Variants in CELF3 observed in about 807,000 individuals in gnomAD.
CELF3 encodes the protein CAG repeat domain.
Under a neutral mutation model 59.6 loss-of-function variants are expected in CELF3, and 26 were observed. That is an observed-to-expected ratio of 0.44 (90% confidence interval 0.32 to 0.61). The LOEUF is 0.61. Ranked by LOEUF, CELF3 falls within the 20% of genes least tolerant of loss-of-function variation. The pLI is 0.06. For missense variants in CELF3, 387 were observed against 627.2 expected (o/e 0.62, Z 4.09); for synonymous variants, 245 against 250.7 (o/e 0.98, Z 0.22).
intron 9 of CELF3, 95 bp downstream of exon 9, chr1:151,706,574 G>A: frequency 7.3e-7 from 1 of 1,362,016 alleles, no homozygotes; most frequent in Non-Finnish European, 1.0e-6. Flanking sequence ...GAGGGTGATT[G>A]GCAGGGAGCC....
intron 2 of CELF3, chr1:151,710,314 G>A (rs1052541496): frequency 1.1e-5 from 3 of 264,926 alleles, no homozygotes; most frequent in African/African-American, 2.2e-5. Context: ...GAAGGCACTC[G>A]GGCAGCACAA....
At position 151,709,126 on chromosome 1, in the gene CELF3, G is replaced by A. The variant is rs551541281; in HGVS notation, c.407-49C>T. 39 of 1,607,204 alleles carry A rather than the reference G, an allele frequency of 2.4e-5. No homozygotes were observed. In the Middle Eastern group the frequency reaches 5.0e-4, roughly 20 times the overall value. On this transcript the variant is annotated intron_variant, in intron 4 of 12. Transcript: ENST00000290583. This position sits in a 1 kb window ranked among gnomAD's most constrained non-coding sequence, Gnocchi z 4.9. ...GAGAGGGGTAAGCACCCATCCCTGC[G>A]GGACCCCGCGGTGGAACCCGATGCC...
At position 151,716,627 on chromosome 1, in the gene CELF3, G is replaced by T. The variant is rs995875329; in HGVS notation, c.-607C>A. On this transcript the variant is annotated 5_prime_UTR_variant, in exon 1 of 13. Transcript: ENST00000290583. ...TCTCTGATGGCGGCAGGGCTCCAGG[G>T]GTCCCTTTTGCCCTGCCGCCCCCCT... 5.4e-6 allele frequency: 2 copies of T among 368,304 alleles called. No individual in the cohort carries two copies. The highest frequency in any genetic ancestry group is 1.1e-5 in the Non-Finnish European group (2 of 179,138). 22.8% of individuals were successfully genotyped at this position (368,304 alleles called of 1,614,324 possible). A position where few individuals can be genotyped will look rare whatever the true frequency, so the allele number is the denominator to read the frequency against.
rs1043648399 is a variant in CELF3 at position 151,700,622 on chromosome 1, TAGAC to T, written c.*2833_*2836del. On this transcript the variant is annotated 3_prime_UTR_variant, in exon 13 of 13. Coordinates refer to ENST00000290583, the MANE Select transcript of CELF3 (RefSeq NM_007185.7). ...TTAGAAAGATTGATGCTTCAGAACA[TAGAC>T]AGAAGGACCAATTAGGAAATTGCTA... Among the ~76,000 whole-genome samples the T allele has an allele frequency of 4.6e-5, 7 of 151,754 alleles. No individual in the cohort carries two copies. The highest frequency in any genetic ancestry group is 9.7e-5 in the African/African-American group (4 of 41,362).
intron 2 of CELF3, among the ~76,000 whole-genome samples, chr1:151,713,234 AC>A (rs1359319273): frequency 6.6e-6 from 1 of 151,942 alleles, no homozygotes; most frequent in South Asian, 2.1e-4. Flanking sequence ...CTTCTTCCTC[AC>A]CCCCACCCTG....
chr1:151,712,547 G>C (rs895696874), intron 2 of CELF3, among the ~76,000 whole-genome samples: 1 of 152,186 alleles, frequency 6.6e-6, no homozygotes, highest in African/African-American at 2.4e-5. Flanking sequence ...GAAGGGGGAA[G>C]AGCTGGACAG....
At position 151,716,412 on chromosome 1, in the gene CELF3, G is replaced by T; in HGVS notation, c.-392C>A. 1 of 267,710 alleles carries T rather than the reference G, an allele frequency of 3.7e-6. No homozygotes were observed. Among genetic ancestry groups the T allele is most frequent in the Non-Finnish European group, 7.4e-6 (1 of 135,640 alleles). 16.6% of individuals were successfully genotyped at this position (267,710 alleles called of 1,614,324 possible). A position where few individuals can be genotyped will look rare whatever the true frequency, so the allele number is the denominator to read the frequency against. ...GAGATGAGAGCTGGAGGCGGGGAAAGGGCCTGAGGAGGGTGATGGGGAGGA... is the reference window on the plus strand; with the variant it reads ...GAGATGAGAGCTGGAGGCGGGGAAATGGCCTGAGGAGGGTGATGGGGAGGA... On this transcript the variant is annotated 5_prime_UTR_variant, in exon 1 of 13. Transcript: ENST00000290583.
At chr1:151,704,450 A>G (rs919290295) in intron 12 of CELF3, among the ~76,000 whole-genome samples, 2 of 152,152 alleles carry the variant, frequency 1.3e-5, no homozygotes, top group Non-Finnish European at 2.9e-5. Flanking sequence ...AAACCAGAGC[A>G]ACTCCCAAGA....
chr1:151,709,638 GA>G lies in CELF3; in HGVS notation c.277+104del. Reference sequence around the variant, plus strand: ...TCTCACCGCAGCTGGGAACTCTTCAGAATCATCAGGCTTTCTCCCTCAAGAA... The same window carrying G: ...TCTCACCGCAGCTGGGAACTCTTCAGATCATCAGGCTTTCTCCCTCAAGAA... On this transcript the variant is annotated intron_variant, in intron 3 of 12. Coordinates refer to ENST00000290583, the MANE Select transcript of CELF3 (RefSeq NM_007185.7). The surrounding 1 kb of genome is among the most constrained non-coding windows in gnomAD (Gnocchi z 4.9). 1 of 1,223,386 alleles carries G rather than the reference GA, an allele frequency of 8.2e-7. No individual in the cohort carries two copies. Among genetic ancestry groups the G allele is most frequent in the South Asian group, 1.2e-5 (1 of 82,676 alleles). 75.8% of individuals were successfully genotyped at this position (1,223,386 alleles called of 1,614,324 possible). A position where few individuals can be genotyped will look rare whatever the true frequency, so the allele number is the denominator to read the frequency against.
rs1469872906 is a variant in CELF3, at chr1:151,706,723, C to T, written c.934G>A (p.Ala312Thr). ...TGCTGCAGGGGGTCCACGGGGGCCG[C>T]GGGGCTCTGGGCTGGGGAGAGCAGC... ...GVHPYPAQSP[A>T]APVDPLQQAY... The change falls in exon 9 of 13, where the codon GCG becomes ACG. Residue 312 changes from alanine (A) to threonine (T), a missense_variant. Coordinates refer to ENST00000290583, the MANE Select transcript of CELF3 (RefSeq NM_007185.7). 8 of 1,550,196 alleles carry T rather than the reference C, an allele frequency of 5.2e-6. No individual in the cohort carries two copies. Among genetic ancestry groups the T allele is most frequent in the South Asian group, 3.6e-5 (3 of 83,976 alleles).
At position 151,709,703 on chromosome 1, in the gene CELF3, G is replaced by T. The variant is rs1288959982; in HGVS notation, c.277+40C>A. ...ACAACTCCAGGCCCTGGGCCTGGGG[G>T]TGGGAGGAGAGGGACAGAGTCCAAA... On this transcript the variant is annotated intron_variant, in intron 3 of 12. Transcript: ENST00000290583. This position sits in a 1 kb window ranked among gnomAD's most constrained non-coding sequence, Gnocchi z 4.9. 1.9e-6 allele frequency: 3 copies of T among 1,601,692 alleles called. No homozygotes were observed. Among genetic ancestry groups the T allele is most frequent in the East Asian group, 4.5e-5 (2 of 44,806 alleles).
rs1309330455 is a variant in CELF3 at position 151,702,674 on chromosome 1, A to T, written c.*785T>A. 6.5e-6 allele frequency: 1 copy of T among 153,900 alleles called. No individual in the cohort carries two copies. Among genetic ancestry groups the T allele is most frequent in the African/African-American group, 2.4e-5 (1 of 41,394 alleles). 9.5% of individuals were successfully genotyped at this position (153,900 alleles called of 1,614,324 possible). On this transcript the variant is annotated 3_prime_UTR_variant, in exon 13 of 13. Transcript: ENST00000290583. ...AGGGAGAAATTAAGAGAGAGAAAAAAATCCAAGGGCAACATTGTCTAAACT... is the reference window on the plus strand; with the variant it reads ...AGGGAGAAATTAAGAGAGAGAAAAATATCCAAGGGCAACATTGTCTAAACT...
At chr1:151,715,801 C>A in intron 1 of CELF3, 75 bp downstream of exon 1, 1 of 1,594,780 alleles carries the variant, frequency 6.3e-7, no homozygotes, top group Non-Finnish European at 8.5e-7. Flanking sequence ...AGCCGCTCCA[C>A]CCCTCCAGCC....
intron 2 of CELF3, chr1:151,710,726 C>T: frequency 2.2e-6 from 1 of 456,494 alleles, no homozygotes; most frequent in Admixed American, 2.3e-5. Flanking sequence ...AGAGCTCTAA[C>T]CTCTCCCCGA....
rs781166346 is a variant in CELF3, at chr1:151,716,009, C to T, written c.12G>A (p.Pro4=). 75 of 1,612,344 alleles carry T rather than the reference C, an allele frequency of 4.7e-5. No individual in the cohort carries two copies. Among genetic ancestry groups the T allele is most frequent in the African/African-American group, 1.5e-4 (11 of 74,912 alleles). The stretch of plus-strand genomic sequence containing the variant: ...GCCCCACAAACAGCTTGATGGCATC[C>T]GGCTCCTTCATTGAGGCGGCCCAGG... The part of the protein sequence containing the change: MKE[P]DAIKLFVGQI... The change falls in exon 1 of 13, where the codon CCG becomes CCA. Residue 4 remains proline (P), a synonymous_variant. Transcript: ENST00000290583.
chr1:151,705,766 T>C lies in CELF3; in HGVS notation c.1270+56A>G. 6.3e-7 allele frequency: 1 copy of C among 1,579,540 alleles called. No individual in the cohort carries two copies. Among genetic ancestry groups the C allele is most frequent in the Non-Finnish European group, 8.7e-7 (1 of 1,154,314 alleles). On this transcript the variant is annotated intron_variant, in intron 11 of 12. Coordinates refer to ENST00000290583, the MANE Select transcript of CELF3 (RefSeq NM_007185.7). This position sits in a 1 kb window ranked among gnomAD's most constrained non-coding sequence, Gnocchi z 5.1. ...GTGACCATAAATGCCTTCAAATATATTAGACCTTGTCCTGATTTGGAGTAT... is the reference window on the plus strand; with the variant it reads ...GTGACCATAAATGCCTTCAAATATACTAGACCTTGTCCTGATTTGGAGTAT...
intron 2 of CELF3, chr1:151,710,586 C>T (rs755722704): frequency 1.1e-5 from 5 of 455,908 alleles, no homozygotes; most frequent in South Asian, 4.7e-5. Flanking sequence ...AGAGCAGGCC[C>T]TGCAGGGGCC....
At chr1:151,708,882 A>G in intron 5 of CELF3, 116 bp downstream of exon 5, 1 of 944,942 alleles carries the variant, frequency 1.1e-6, no homozygotes, top group Non-Finnish European at 1.6e-6. Context: ...CTGCCAGGAC[A>G]TTCCTTTCCA....
intron 1 of CELF3, 36 bp from the exon 2 acceptor site, chr1:151,714,712 G>C: frequency 2.1e-6 from 3 of 1,432,330 alleles, no homozygotes; most frequent in Non-Finnish European, 2.9e-6. Context: ...CACGGCGGGG[G>C]GTGAGTCCTC....
Sources: allele counts gnomAD v4.1 joint callset (sites outside exome capture counted in the v4.1 genomes callset), GRCh38; gene constraint gnomAD v4.1.1; non-coding constraint Gnocchi (gnomAD v3.1); transcripts MANE v1.5; gene names NCBI Gene and HGNC (gene_info 2026-07-23, HGNC 2026-07-21).